Variants in SHPRH observed in about 807,000 individuals in gnomAD.
SHPRH encodes SNF2 histone linker PHD RING helicase.
A neutral mutation model predicts 202.5 loss-of-function variants in SHPRH; 106 were observed. The ratio of observed to expected loss-of-function variants is 0.52; its 90% CI spans 0.45 to 0.62. The LOEUF (loss-of-function observed/expected upper bound fraction) is 0.62, where lower values mean the gene tolerates loss of function less well. SHPRH is among the 20% of genes least tolerant of loss of function. SHPRH has a pLI of 0.00. For missense variants in SHPRH, 1,710 were observed against 2,020.0 expected (o/e 0.85, Z 2.94); for synonymous variants, 729 against 686.0 (o/e 1.06, Z -0.98).
At chr6:145,910,709 T>G in intron 24 of SHPRH, 73 bp from the exon 25 acceptor site, 1 of 1,337,530 alleles carries the variant, frequency 7.5e-7, no homozygotes, top group East Asian at 2.5e-5. Flanking sequence ...TAAAAAGAGA[T>G]TCGCAATTTT....
At chr6:145,895,816 G>A (rs530743283) in intron 25 of SHPRH, among the ~76,000 whole-genome samples, 1 of 151,984 alleles carries the variant, frequency 6.6e-6, no homozygotes, top group South Asian at 2.1e-4. Flanking sequence ...TATCCAATAG[G>A]GCTGAATGAT....
At position 145,874,209 on chromosome 6, in the gene SHPRH, AAAT is replaced by A. The variant is rs58669613; in HGVS notation, c.222-9721_222-9719del. ...GTGAAACTCCATCTCAAAAATAATA[AAAT>A]AATAATAATAATAATAATAATAATA... On this transcript the variant is annotated intron_variant, in intron 2 of 2. Coordinates refer to the SHPRH transcript ENST00000417762. Among the ~76,000 whole-genome samples the A allele has an allele frequency of 5.8e-3, 850 of 147,814 alleles. 3 individuals are homozygous for A. Among genetic ancestry groups the A allele is most frequent in the African/African-American group, 0.016 (643 of 39,894 alleles).
chr6:145,888,627 G>A (rs879653149), intron 28 of SHPRH, among the ~76,000 whole-genome samples: 10 of 152,134 alleles, frequency 6.6e-5, no homozygotes, highest in South Asian at 2.1e-4. Flanking sequence ...GAATTTTATC[G>A]TGGTTATAAT....
intron 25 of SHPRH, chr6:145,909,875 C>T (rs1336924797): frequency 6.6e-6 from 1 of 152,046 alleles, no homozygotes; most frequent in Non-Finnish European, 1.5e-5. Context: ...CAGATCCAGT[C>T]TGGATATCAC....
In SHPRH at chr6:145,948,307, C is replaced by G; in HGVS notation, c.1026G>C (p.Glu342Asp). Residue 342 changes from glutamate to aspartate, a missense_variant, in exon 5 of 30, where the codon GAG becomes GAC. Glu to Asp is a conservative substitution (Grantham distance 45). This residue lies in a region of SHPRH where 459 missense variants were observed against 426.5 expected (regional missense o/e 1.08). Transcript: ENST00000275233. ...ATGGATTATAGTAGAGTTTCAGACC[C>G]TCAGATGTAACAATCTCTCGCCATA... Reference protein sequence around the residue: ...HFLWREIVTSEGLKLYYNPYT... With the variant: ...HFLWREIVTSDGLKLYYNPYT... 1 of 1,604,744 alleles carries G rather than the reference C, an allele frequency of 6.2e-7. No homozygotes were observed. Among genetic ancestry groups the G allele is most frequent in the Non-Finnish European group, 8.5e-7 (1 of 1,175,206 alleles).
Position 145,870,956 on chromosome 6 carries a change from C to G in SHPRH, c.222-6465G>C, listed in dbSNP as rs944589418. 1.8e-4 allele frequency: 27 copies of G among 152,152 alleles called. 1 individual carries two copies. The highest frequency in any genetic ancestry group is 5.9e-5 in the Non-Finnish European group (4 of 68,024). 9.4% of individuals were successfully genotyped at this position (152,152 alleles called of 1,614,324 possible). A position where few individuals can be genotyped will look rare whatever the true frequency, so the allele number is the denominator to read the frequency against. ...CTCTTCATTCGATGTACAAAAACCACAAGATTATCTAAATAGATGCAGAAA... is the reference window on the plus strand; with the variant it reads ...CTCTTCATTCGATGTACAAAAACCAGAAGATTATCTAAATAGATGCAGAAA... On this transcript the variant is annotated intron_variant, in intron 2 of 2. Coordinates refer to the SHPRH transcript ENST00000417762.
rs990375926 is a variant in SHPRH at position 145,933,066 on chromosome 6, T to G, written c.3103A>C (p.Ile1035Leu). The stretch of plus-strand genomic sequence containing the variant: ...AGCAATCACCTTCTACCTTTAATAA[T>G]ATGAATGCCTGCTAAGCCATTGAGA... Reference protein sequence around the residue: ...CALNGLAGIHIIKGEYALAAE... With the variant: ...CALNGLAGIHLIKGEYALAAE... Residue 1035 changes from isoleucine (I) to leucine (L), a missense_variant, in exon 14 of 30, where the codon ATT (isoleucine) becomes CTT (leucine). Coordinates refer to ENST00000275233, the MANE Select transcript of SHPRH (RefSeq NM_001042683.3). The G allele has an allele frequency of 6.2e-7, 1 of 1,613,706 alleles. No homozygotes were observed.
At chr6:145,949,669 C>T (rs766896860) in intron 4 of SHPRH, among the ~76,000 whole-genome samples, 3 of 151,972 alleles carry the variant, frequency 2.0e-5, no homozygotes, top group Non-Finnish European at 4.4e-5. Flanking sequence ...CAGACTTCAC[C>T]ACTATGCAAT....
chr6:145,890,536 CTGTT>C (rs1342129076), intron 28 of SHPRH, among the ~76,000 whole-genome samples: 2 of 152,142 alleles, frequency 1.3e-5, no homozygotes, highest in Admixed American at 6.6e-5. Flanking sequence ...TCCTAACTCA[CTGTT>C]TGATCTTTAT....
At chr6:145,876,632 T>C (rs772499171) in intron 2 of SHPRH, 3 of 152,198 alleles carry the variant, frequency 2.0e-5, no homozygotes, top group Non-Finnish European at 2.9e-5. Flanking sequence ...GCTATAAATA[T>C]TCACATACAA....
chr6:145,903,746 A>G (rs1782708226), intron 25 of SHPRH: 1 of 152,078 alleles, frequency 6.6e-6, no homozygotes, highest in South Asian at 2.1e-4. Context: ...TGACCAGTAT[A>G]TAGGGTCAGG....
chr6:145,935,529 C>T, intron 11 of SHPRH, 88 bp from the exon 12 acceptor site: 1 of 1,265,764 alleles, frequency 7.9e-7, no homozygotes, highest in Non-Finnish European at 1.1e-6. Context: ...TTACACAGCA[C>T]ATAGAACTTT....
intron 26 of SHPRH, 140 bp from the exon 27 acceptor site, chr6:145,894,376 A>G: frequency 3.9e-6 from 2 of 511,854 alleles, no homozygotes; most frequent in Non-Finnish European, 6.6e-6. Context: ...CAAATGTAGT[A>G]CCATCCATAT....
intron 5 of SHPRH, among the ~76,000 whole-genome samples, chr6:145,947,847 ACT>A (rs1430436012): frequency 3.3e-5 from 5 of 152,034 alleles, no homozygotes; most frequent in Admixed American, 3.3e-4. Flanking sequence ...CTGACAAGTA[ACT>A]CTGCAGAAAT....
chr6:145,876,100 TCTAAATTTAGAACACTTTCATTA>T (rs1780288652), intron 2 of SHPRH, among the ~76,000 whole-genome samples: 1 of 152,204 alleles, frequency 6.6e-6, no homozygotes, highest in East Asian at 1.9e-4. Flanking sequence ...ATCACTACAG[TCTAAATTTAGAACACTTTCATTA>T]CTCCATAAAG....
chr6:145,888,309 T>G (rs1003388908), intron 28 of SHPRH, among the ~76,000 whole-genome samples: 76 of 151,522 alleles, frequency 5.0e-4, no homozygotes, highest in Non-Finnish European at 8.5e-4. Context: ...CATAAAAGAG[T>G]AAGACGGTTT....
In SHPRH at chr6:145,958,381, T is replaced by C. The variant is rs373047584; in HGVS notation, c.-32-3027A>G. Reference sequence around the variant, plus strand: ...ATTTTAATATTAAGTATAACTTTATTCAATAAATCTGAAAAATCTAGATAA... The same window carrying C: ...ATTTTAATATTAAGTATAACTTTATCCAATAAATCTGAAAAATCTAGATAA... On this transcript the variant is annotated intron_variant, in intron 1 of 29. Transcript: ENST00000275233. Among the ~76,000 whole-genome samples, 3 of 152,170 alleles carry C rather than the reference T, an allele frequency of 2.0e-5. No homozygotes were observed. The East Asian group carries it at 5.8e-4, about 29-fold the overall frequency.
chr6:145,878,237 T>C (rs533516703), intron 2 of SHPRH, among the ~76,000 whole-genome samples: 1 of 152,280 alleles, frequency 6.6e-6, no homozygotes, highest in South Asian at 2.1e-4. Context: ...CCCAACCCCA[T>C]GCACAACCTT....
chr6:145,893,821 A>ACACTGTTCTGCCTGACACT (rs1781776123), intron 27 of SHPRH, among the ~76,000 whole-genome samples: 1 of 152,082 alleles, frequency 6.6e-6, no homozygotes, highest in Non-Finnish European at 1.5e-5. Flanking sequence ...GACCACATGC[A>ACACTGTTCTGCCTGACACT]GTTCTGCCTG....
Sources: gnomAD v4.1 joint callset for allele counts (sites outside exome capture counted in the v4.1 genomes callset) on GRCh38, gnomAD v4.1.1 for gene constraint, gnomAD v4.1.1 regional missense constraint, MANE v1.5 for transcripts, NCBI Gene and HGNC (gene_info 2026-07-23, HGNC 2026-07-21) for gene names.